VOPP1: variants seen among roughly 807,000 people sequenced by gnomAD.
VOPP1 encodes WW domain binding protein VOPP1.
A neutral mutation model predicts 23.5 loss-of-function variants in VOPP1; 8 were observed. That is an observed-to-expected ratio of 0.34 (90% confidence interval 0.20 to 0.61). The LOEUF (loss-of-function observed/expected upper bound fraction) is 0.61, where lower values mean the gene tolerates loss of function less well. Among genes scored for constraint, VOPP1 ranks in the 20% least tolerant of loss-of-function variants. VOPP1 has a pLI of 0.78. For synonymous variants in VOPP1, 83 were observed against 97.3 expected (o/e 0.85, Z 0.86); for missense variants, 174 against 238.1 (o/e 0.73, Z 1.77).
At chr7:55,537,995 G>A (rs894742171) in intron 1 of VOPP1, among the ~76,000 whole-genome samples, 31 of 152,188 alleles carry the variant, frequency 2.0e-4, no homozygotes, top group Admixed American at 2.0e-3. Context: ...GGCCCCAGGA[G>A]CCCCCATTCA....
chr7:55,460,082 A>G (rs201530978), intron 4 of VOPP1, among the ~76,000 whole-genome samples: 134,922 of 152,018 alleles, frequency 0.89, 60,043 homozygotes, highest in African/African-American at 0.92. Flanking sequence ...CATATTAAAT[A>G]TTTAAAAACA....
chr7:55,552,726 G>A (rs1797661346), intron 1 of VOPP1: 4 of 1,535,046 alleles, frequency 2.6e-6, no homozygotes, highest in African/African-American at 1.4e-5. Context: ...GCAGGAGTCT[G>A]GTCGCCAGGT....
intron 4 of VOPP1, among the ~76,000 whole-genome samples, chr7:55,491,435 C>A (rs1344406024): frequency 6.6e-6 from 1 of 152,204 alleles, no homozygotes; most frequent in Non-Finnish European, 1.5e-5. Context: ...TCCCCAGGCT[C>A]CCAGGTGGAA....
At chr7:55,435,676 T>C (rs939542712), downstream of VOPP1, among the ~76,000 whole-genome samples, 1 of 152,234 alleles carries the variant, frequency 6.6e-6, no homozygotes, top group African/African-American at 2.4e-5. Flanking sequence ...TTACCCAGGC[T>C]GCAGCTCCCC....
At chr7:55,559,858 T>C (rs533212471) in intron 1 of VOPP1, among the ~76,000 whole-genome samples, 19 of 152,280 alleles carry the variant, frequency 1.2e-4, no homozygotes, top group African/African-American at 4.6e-4. Context: ...CAATGGAGTA[T>C]AAAAACCTTT....
At chr7:55,451,836 T>C (rs1009267608) in intron 4 of VOPP1, among the ~76,000 whole-genome samples, 1 of 152,200 alleles carries the variant, frequency 6.6e-6, no homozygotes, top group Non-Finnish European at 1.5e-5. Context: ...AACGGTTATC[T>C]GGGCTTTCAG....
intron 1 of VOPP1, among the ~76,000 whole-genome samples, chr7:55,567,833 G>A (rs1244564771): frequency 6.6e-6 from 1 of 152,214 alleles, no homozygotes; most frequent in African/African-American, 2.4e-5. Context: ...ACTCTTAAGA[G>A]TGGGTGGGCT....
intron 4 of VOPP1, among the ~76,000 whole-genome samples, chr7:55,479,024 T>C (rs1792489702): frequency 6.6e-6 from 1 of 152,212 alleles, no homozygotes; most frequent in South Asian, 2.1e-4. Context: ...AGTTAAACCA[T>C]GGCCCTTCCT....
chr7:55,466,579 T>C (rs73698733), downstream of VOPP1, among the ~76,000 whole-genome samples: 2,909 of 152,290 alleles, frequency 0.019, 94 homozygotes, highest in African/African-American at 0.066. Context: ...ATTGGGATTG[T>C]GGTGAATGAC....
chr7:55,458,171 C>T (rs894004971), intron 4 of VOPP1, among the ~76,000 whole-genome samples: 17 of 152,112 alleles, frequency 1.1e-4, no homozygotes, highest in African/African-American at 3.9e-4. Context: ...TACCCTTTAT[C>T]GAAGAGGGTA....
intron 1 of VOPP1, among the ~76,000 whole-genome samples, chr7:55,536,818 C>G (rs138953501): frequency 5.9e-5 from 9 of 152,144 alleles, no homozygotes; most frequent in Admixed American, 5.9e-4. Context: ...CACGGAAGGG[C>G]GCACCGTACC....
chr7:55,552,854 G>A (rs1315520291), intron 1 of VOPP1: 7 of 1,410,896 alleles, frequency 5.0e-6, no homozygotes, highest in Non-Finnish European at 6.5e-6. Context: ...GAGCACTATG[G>A]CAACACAACA....
intron 4 of VOPP1, among the ~76,000 whole-genome samples, chr7:55,460,977 A>G (rs1288342131): frequency 1.3e-5 from 2 of 152,052 alleles, no homozygotes; most frequent in African/African-American, 4.8e-5. Flanking sequence ...TGGATAAAGA[A>G]ACTGTGTTTT....
rs771099407 is a variant in VOPP1, at chr7:55,561,965, G to A, written c.54+10306C>T. ...GGAAAACAGGAAGTGAAAGTATGGT[G>A]CCTTCAGGACCCACAGTAGTCGGTT... On this transcript the variant is annotated intron_variant, in intron 1 of 4. Transcript: ENST00000285279. 1.8e-5 allele frequency: 13 copies of A among 703,440 alleles called. No homozygotes were observed. In the South Asian group the frequency reaches 1.9e-4, roughly 10 times the overall value. 43.6% of individuals were successfully genotyped at this position (703,440 alleles called of 1,614,324 possible). A position where few individuals can be genotyped will look rare whatever the true frequency, so the allele number is the denominator to read the frequency against.
At chr7:55,558,834 G>C (rs1201997913) in intron 1 of VOPP1, among the ~76,000 whole-genome samples, 1 of 152,154 alleles carries the variant, frequency 6.6e-6, no homozygotes, top group Non-Finnish European at 1.5e-5. Context: ...AAAGCTGACT[G>C]ACAAAGAGCT....
intron 1 of VOPP1, among the ~76,000 whole-genome samples, chr7:55,553,397 G>A (rs1477469510): frequency 6.6e-6 from 1 of 152,092 alleles, no homozygotes; most frequent in Non-Finnish European, 1.5e-5. Context: ...AGACTAGCCT[G>A]GGGAGCAACG....
chr7:55,453,168 T>C (rs761681360), intron 4 of VOPP1, among the ~76,000 whole-genome samples: 2 of 152,246 alleles, frequency 1.3e-5, no homozygotes, highest in Admixed American at 6.5e-5. Context: ...GCTATGGAGA[T>C]GACTTCTTTT....
intron 1 of VOPP1, among the ~76,000 whole-genome samples, chr7:55,554,642 A>G (rs902866418): frequency 6.6e-6 from 1 of 152,212 alleles, no homozygotes; most frequent in Non-Finnish European, 1.5e-5. Context: ...AGGCAGTGCC[A>G]TGGACTGACA....
chr7:55,540,235 T>C (rs1240564830), intron 1 of VOPP1, among the ~76,000 whole-genome samples: 3 of 151,638 alleles, frequency 2.0e-5, no homozygotes, highest in Non-Finnish European at 4.4e-5. Flanking sequence ...CTGTCTCCGC[T>C]AAAAATACAA....
Sources: allele counts gnomAD v4.1 joint callset (sites outside exome capture counted in the v4.1 genomes callset), GRCh38; gene constraint gnomAD v4.1.1; transcripts MANE v1.5; gene names NCBI Gene and HGNC (gene_info 2026-07-23, HGNC 2026-07-21).